Variants in PLK2 observed in about 807,000 individuals in gnomAD.
The protein encoded by PLK2 is serine/threonine-protein kinase PLK2.
In PLK2, 25 loss-of-function variants were observed where a neutral mutation model predicts 78.1. The ratio of observed to expected loss-of-function variants is 0.32; its 90% confidence interval spans 0.23 to 0.45. PLK2 has a LOEUF of 0.45. Ranked by LOEUF, PLK2 falls within the 20% of genes least tolerant of loss-of-function variation. The pLI is 1.00. For synonymous variants in PLK2, 332 were observed against 298.2 expected (o/e 1.11, Z -1.17); for missense variants, 566 against 840.2 (o/e 0.67, Z 4.04).
intron 1 of PLK2, 81 bp downstream of exon 1, chr5:58,459,609 G>T: frequency 1.6e-6 from 2 of 1,252,748 alleles, no homozygotes; most frequent in Non-Finnish European, 2.1e-6. Flanking sequence ...GCGGGCGAGG[G>T]ACCCCGCGGG....
intron 9 of PLK2, 41 bp downstream of exon 9, chr5:58,456,451 A>G: frequency 8.8e-7 from 1 of 1,133,318 alleles, no homozygotes. Flanking sequence ...AGTGGAAATA[A>G]CGTAAAGCGT....
In PLK2 at chr5:58,456,045, G is replaced by A. The variant is rs541517880; in HGVS notation, c.1365C>T (p.Ser455=). The change falls in exon 10 of 14, where the codon AGC becomes AGT. Residue 455 remains serine, a synonymous_variant. Transcript: ENST00000274289. The part of the protein sequence containing the change: ...IRMIVRGTLG[S]CSSSSECLED... ...ACTTACATTCACTGCTGCTGCTACA[G>A]CTGCCAAGAGTCCCTCTGACTATCA... The A allele has an allele frequency of 3.3e-5, 54 of 1,612,600 alleles. No homozygotes were observed. The highest frequency in any genetic ancestry group is 2.3e-4 in the South Asian group (21 of 90,638).
Position 58,456,072 on chromosome 5 carries a change from C to T in PLK2, c.1338G>A (p.Arg446=). The change falls in exon 10 of 14, where the codon CGG becomes CGA. Residue 446 remains arginine (R), a synonymous_variant. Coordinates refer to ENST00000274289, the MANE Select transcript of PLK2 (RefSeq NM_006622.4). The part of the protein sequence containing the change: ...ENKQQIGDAI[R]MIVRGTLGSC... Reference sequence around the variant, plus strand: ...TGCCAAGAGTCCCTCTGACTATCATCCGAATAGCATCCCCAATCTGCTGCT... The same window carrying T: ...TGCCAAGAGTCCCTCTGACTATCATTCGAATAGCATCCCCAATCTGCTGCT... 6.2e-7 allele frequency: 1 copy of T among 1,614,036 alleles called. No homozygotes were observed. Among genetic ancestry groups the T allele is most frequent in the Non-Finnish European group, 8.5e-7 (1 of 1,179,958 alleles).
intron 8 of PLK2, 43 bp from the exon 9 acceptor site, chr5:58,456,632 A>T (rs776183183): frequency 9.1e-6 from 11 of 1,204,052 alleles, no homozygotes; most frequent in East Asian, 2.3e-5. Context: ...GTCTATCTTA[A>T]CAAGGTAGGA....
intron 4 of PLK2, 105 bp downstream of exon 4, chr5:58,458,294 A>C (rs1443459624): frequency 7.2e-7 from 1 of 1,393,618 alleles, no homozygotes; most frequent in Non-Finnish European, 1.0e-6. Flanking sequence ...CAAAAGCAAG[A>C]TTGCAGACAC....
chr5:58,457,839 G>C, intron 5 of PLK2: 3 of 588,370 alleles, frequency 5.1e-6, no homozygotes, highest in Non-Finnish European at 3.0e-6. Flanking sequence ...CTAAAGCCAG[G>C]GACGTCGTGG....
intron 9 of PLK2, 40 bp downstream of exon 9, chr5:58,456,452 C>A (rs758306061): frequency 8.7e-7 from 1 of 1,146,988 alleles, no homozygotes; most frequent in Non-Finnish European, 1.3e-6. Flanking sequence ...GTGGAAATAA[C>A]GTAAAGCGTG....
In PLK2 at chr5:58,459,871, G is replaced by T; in HGVS notation, c.89C>A (p.Ser30Ter). The change falls in exon 1 of 14, where the codon TCG becomes TAG. Residue 30 changes from serine (S) to a stop codon, truncating the protein, a stop_gained. Coordinates refer to ENST00000274289, the MANE Select transcript of PLK2 (RefSeq NM_006622.4). LOFTEE classifies it high-confidence loss of function. ...GGGCTGCGGCGGCCGCTTCTTCTTC[G>T]AGTCCGCTCCGCAACCCTTGCCCAG... ...QALGKGCGADSKKKRPPQPPE... is the reference protein window; with the variant it reads ...QALGKGCGAD The T allele has an allele frequency of 6.2e-7, 1 of 1,611,546 alleles. No homozygotes were observed.
chr5:58,457,652 G>A, intron 5 of PLK2, 69 bp from the exon 6 acceptor site: 4 of 826,094 alleles, frequency 4.8e-6, no homozygotes, highest in Non-Finnish European at 8.3e-6. Context: ...CTCTTGACAT[G>A]ACTTGATGGG....
chr5:58,457,254 G>A lies in PLK2; in HGVS notation c.935C>T (p.Ala312Val). The A allele has an allele frequency of 6.2e-7, 1 of 1,614,012 alleles. No individual in the cohort carries two copies. The highest frequency in any genetic ancestry group is 8.5e-7 in the Non-Finnish European group (1 of 1,179,964). The change falls in exon 7 of 14, where the codon GCT becomes GTT. Residue 312 changes from alanine (A) to valine (V), a missense_variant. By Grantham distance (64) the Ala-to-Val change is moderately conservative. Around this residue, in one of 5 missense-constraint regions of PLK2, gnomAD observed 179 missense variants for 342.3 expected, o/e 0.52. Transcript: ENST00000274289. ...SLLAPAKHLIASMLSKNPEDR... is the reference protein window; with the variant it reads ...SLLAPAKHLIVSMLSKNPEDR... ...CTCTGGGTTTTTGGACAACATACTA[G>A]CAATTAAGTGCTTGGCAGGAGCCAG...
chr5:58,454,360 T>C lies in PLK2; in HGVS notation c.*223A>G, dbSNP rs1435655690. ...TCTGAAAAACCTTTTAAAACAGGTA[T>C]CTCAAGGAAAACTGCATTCTGGTTC... On this transcript the variant is annotated 3_prime_UTR_variant, in exon 14 of 14. Transcript: ENST00000274289. 4.8e-6 allele frequency: 2 copies of C among 414,704 alleles called. No homozygotes were observed. The highest frequency in any genetic ancestry group is 8.6e-6 in the Non-Finnish European group (2 of 233,532). 25.7% of individuals were successfully genotyped at this position (414,704 alleles called of 1,614,324 possible).
rs372403019 is a variant in PLK2, at chr5:58,459,063, T to C, written c.300A>G (p.Thr100=). ...KGGFAKCYEM[T]DLTNNKVYAA... The stretch of plus-strand genomic sequence containing the variant: ...CGTAGACTTTGTTATTTGTCAAATC[T>C]GTCATCTCGTAACATTTTGCAAAGC... Residue 100 remains threonine (T), a synonymous_variant, in exon 2 of 14, where the codon ACA becomes ACG. Transcript: ENST00000274289. 5.0e-5 allele frequency: 81 copies of C among 1,612,230 alleles called. 2 individuals are homozygous for C. Among genetic ancestry groups the C allele is most frequent in the South Asian group, 4.8e-4 (44 of 91,032 alleles).
rs962971008 is a variant in PLK2 at position 58,460,071 on chromosome 5, C to A, written c.-112G>T. 13 of 1,278,080 alleles carry A rather than the reference C, an allele frequency of 1.0e-5. No individual in the cohort carries two copies. The highest frequency in any genetic ancestry group is 1.4e-5 in the Non-Finnish European group (13 of 938,888). 79.2% of individuals were successfully genotyped at this position (1,278,080 alleles called of 1,614,324 possible). A position where few individuals can be genotyped will look rare whatever the true frequency, so the allele number is the denominator to read the frequency against. On this transcript the variant is annotated 5_prime_UTR_variant, in exon 1 of 14. Transcript: ENST00000274289. The stretch of plus-strand genomic sequence containing the variant: ...TCTGGTGCCGACTAGCACCCAACAC[C>A]CCGGTCCACTTGTGCGAGTGAGAGC...
In PLK2 at chr5:58,456,560, A is replaced by T; in HGVS notation, c.1186T>A (p.Tyr396Asn). 3 of 1,607,184 alleles carry T rather than the reference A, an allele frequency of 1.9e-6. No individual in the cohort carries two copies. In the Middle Eastern group the frequency reaches 5.0e-4, roughly 266 times the overall value. The change falls in exon 9 of 14, where the codon TAC (tyrosine) becomes AAC (asparagine). Residue 396 changes from tyrosine (Y) to asparagine (N), a missense_variant. Physicochemically the swap from Tyr to Asn is moderately radical, Grantham distance 143. This residue lies in a region of PLK2 where 129 missense variants were observed against 156.0 expected (regional missense o/e 0.83). Transcript: ENST00000274289. Reference sequence around the variant, plus strand: ...TTTTTCAAATCATGCCTAAGCTTGTAGATGTCTTCATCTTCTTTAGACACT... The same window carrying T: ...TTTTTCAAATCATGCCTAAGCTTGTTGATGTCTTCATCTTCTTTAGACACT... The part of the protein sequence containing the change: ...NRVSKEDEDI[Y>N]KLRHDLKKTS...
At position 58,455,743 on chromosome 5, in the gene PLK2, G is replaced by A; in HGVS notation, c.1421C>T (p.Thr474Ile). The A allele has an allele frequency of 6.2e-7, 1 of 1,613,878 alleles. No homozygotes were observed. The highest frequency in any genetic ancestry group is 8.5e-7 in the Non-Finnish European group (1 of 1,179,958). The change falls in exon 11 of 14, where the codon ACA becomes ATA. Residue 474 changes from threonine to isoleucine, a missense_variant. Thr to Ile is a moderately conservative substitution (Grantham distance 89, BLOSUM62 -1). Around this residue, in one of 5 missense-constraint regions of PLK2, gnomAD observed 129 missense variants for 156.0 expected, o/e 0.83. Coordinates refer to ENST00000274289, the MANE Select transcript of PLK2 (RefSeq NM_006622.4). Reference sequence around the variant, plus strand: ...ACATCCCCGAAGAACCCTTGCCACTGTGTCTGCAACACTTCCCATGGTACT... The same window carrying A: ...ACATCCCCGAAGAACCCTTGCCACTATGTCTGCAACACTTCCCATGGTACT... Reference protein sequence around the residue: ...EDSTMGSVADTVARVLRGCLE... With the variant: ...EDSTMGSVADIVARVLRGCLE...
chr5:58,459,767 A>G lies in PLK2; in HGVS notation c.193T>C (p.Ser65Pro), dbSNP rs1287455177. The G allele has an allele frequency of 6.2e-7, 1 of 1,607,344 alleles. No homozygotes were observed. The highest frequency in any genetic ancestry group is 8.5e-7 in the Non-Finnish European group (1 of 1,179,500). ...ATAATCCGCGAGATCTCCGGCCCCG[A>G]GTGCGAATGGTGGTGATGGTGGTGA... ...APHHHHHHSHSGPEISRIIVD... is the reference protein window; with the variant it reads ...APHHHHHHSHPGPEISRIIVD... Residue 65 changes from serine (S) to proline (P), a missense_variant, in exon 1 of 14, where the codon TCG becomes CCG. Physicochemically the swap from Ser to Pro is moderately conservative, Grantham distance 74. Transcript: ENST00000274289.
chr5:58,455,474 T>C (rs1743573112), intron 11 of PLK2, 60 bp from the exon 12 acceptor site: 2 of 1,610,884 alleles, frequency 1.2e-6, no homozygotes. Context: ...AGTTAATCAT[T>C]GTTTTTAGAT....
chr5:58,459,574 C>G (rs1743699868), intron 1 of PLK2, 116 bp downstream of exon 1: 1 of 892,500 alleles, frequency 1.1e-6, no homozygotes. Context: ...GCGCTGGGAT[C>G]GGACCCCCGA....
In PLK2 at chr5:58,454,525, TC is replaced by T; in HGVS notation, c.*57del. On this transcript the variant is annotated 3_prime_UTR_variant, in exon 14 of 14. Coordinates refer to ENST00000274289, the MANE Select transcript of PLK2 (RefSeq NM_006622.4). ...CATACTCTAGATCATTCTTTTGGCT[TC>T]CCTGTAGATCTCACAGTGGAAAAGA... 1 of 1,187,496 alleles carries T rather than the reference TC, an allele frequency of 8.4e-7. No homozygotes were observed. The highest frequency in any genetic ancestry group is 2.1e-5 in the Admixed American group (1 of 47,718). The allele number at this position is 1,187,496 out of a possible 1,614,324, so 73.6% of individuals were successfully genotyped here.
Sources: gnomAD v4.1 joint callset for allele counts on GRCh38, gnomAD v4.1.1 for gene constraint, gnomAD v4.1.1 regional missense constraint, MANE v1.5 for transcripts, NCBI Gene and HGNC (gene_info 2026-07-23, HGNC 2026-07-21) for gene names.